Variants in STK38L observed in about 807,000 individuals in gnomAD.
STK38L encodes serine/threonine kinase 38 like, also known as serine/threonine-protein kinase 38-like.
In STK38L, 28 loss-of-function variants were observed where a neutral mutation model predicts 59.7. The observed-to-expected ratio is 0.47, with a 90% CI of 0.35 to 0.64. The LOEUF is 0.64. Ranked by LOEUF, STK38L falls within the 30% of genes least tolerant of loss-of-function variation. STK38L has a pLI of 0.01. For synonymous variants in STK38L, 162 were observed against 176.8 expected, an observed-to-expected ratio of 0.92 and a Z score of 0.66; for missense variants, 314 against 555.8, an observed-to-expected ratio of 0.56 and a Z score of 4.37.
At chr12:27,301,716 G>A (rs1443855112) in intron 2 of STK38L, among the ~76,000 whole-genome samples, 1 of 152,248 alleles carries the variant, frequency 6.6e-6, no homozygotes, top group Admixed American at 6.5e-5. Flanking sequence ...AGCTCATTTA[G>A]CTAATAAGTG....
intron 1 of STK38L, among the ~76,000 whole-genome samples, chr12:27,247,036 G>A (rs1032779194): frequency 3.5e-4 from 53 of 152,190 alleles, no homozygotes; most frequent in African/African-American, 1.2e-3. Flanking sequence ...AGTGCTGCTA[G>A]ACCAATTAAG....
chr12:27,305,895 A>G (rs1482743711), intron 3 of STK38L, among the ~76,000 whole-genome samples: 2 of 152,214 alleles, frequency 1.3e-5, no homozygotes, highest in Admixed American at 1.3e-4. Context: ...AAAGGATGCA[A>G]TTACCACAAG....
At chr12:27,259,437 G>A (rs1048464440) in intron 1 of STK38L, among the ~76,000 whole-genome samples, 1 of 152,092 alleles carries the variant, frequency 6.6e-6, no homozygotes, top group African/African-American at 2.4e-5. Flanking sequence ...TCATCCTAAC[G>A]CGCCACTTTT....
chr12:27,248,269 T>A (rs1942899961), intron 1 of STK38L, among the ~76,000 whole-genome samples: 1 of 152,098 alleles, frequency 6.6e-6, no homozygotes, highest in South Asian at 2.1e-4. Context: ...GTGAATAGAG[T>A]GTTGTACATG....
intron 1 of STK38L, among the ~76,000 whole-genome samples, chr12:27,279,593 G>A (rs2136624738): frequency 6.6e-6 from 1 of 151,900 alleles, no homozygotes; most frequent in South Asian, 2.1e-4. Flanking sequence ...GGGCGTGGTG[G>A]TGGGCACCTG....
chr12:27,290,809 T>C (rs960794981), intron 1 of STK38L, among the ~76,000 whole-genome samples: 2 of 152,202 alleles, frequency 1.3e-5, no homozygotes, highest in Non-Finnish European at 2.9e-5. Flanking sequence ...ACAGAGCTCA[T>C]TGTGGACAGA....
In STK38L at chr12:27,322,662, A is replaced by G. The variant is rs1944759089; in HGVS notation, c.*207A>G. 1 of 491,058 alleles carries G rather than the reference A, an allele frequency of 2.0e-6. No homozygotes were observed. Among genetic ancestry groups the G allele is most frequent in the Non-Finnish European group, 3.3e-6 (1 of 302,956 alleles). The allele number at this position is 491,058 out of a possible 1,614,324, so 30.4% of individuals were successfully genotyped here. A position where few individuals can be genotyped will look rare whatever the true frequency, so the allele number is the denominator to read the frequency against. ...TGGCTCTTTTTTTTAATATTTTATT[A>G]TTTTTGTTAACTTTATTATATGAAG... On this transcript the variant is annotated 3_prime_UTR_variant, in exon 14 of 14. Transcript: ENST00000389032.
At chr12:27,294,288 GGCAGGCAGATC>G (rs1943960191) in intron 1 of STK38L, among the ~76,000 whole-genome samples, 1 of 151,896 alleles carries the variant, frequency 6.6e-6, no homozygotes, top group African/African-American at 2.4e-5. Flanking sequence ...GGGAGGCCAA[GGCAGGCAGATC>G]ACTTGAGGTC....
At chr12:27,278,698 A>G (rs1223817245) in intron 1 of STK38L, among the ~76,000 whole-genome samples, 4 of 152,248 alleles carry the variant, frequency 2.6e-5, no homozygotes, top group Non-Finnish European at 5.9e-5. Context: ...TCTATAATCA[A>G]TAACAATGTA....
chr12:27,317,893 T>G lies in STK38L; in HGVS notation c.956-3T>G. ...AAACATTTTTGATTTATTTGATACA[T>G]AGGATATCCACCTTTCTGCTCTGAA... On this transcript the variant is annotated splice_region_variant and splice_polypyrimidine_tract_variant and intron_variant, in intron 10 of 13. Coordinates refer to ENST00000389032, the MANE Select transcript of STK38L (RefSeq NM_015000.4). 1 of 1,613,216 alleles carries G rather than the reference T, an allele frequency of 6.2e-7. No individual in the cohort carries two copies. The highest frequency in any genetic ancestry group is 8.5e-7 in the Non-Finnish European group (1 of 1,179,718).
rs778241201 is a variant in STK38L, at chr12:27,315,125, T to A, written c.775+8T>A. ...ACCCACCAAGTGACTTCTGTAAGTT[T>A]GGTTGTTGTTTTTCTTCTTTCCCCT... On this transcript the variant is annotated splice_region_variant and intron_variant, in intron 8 of 13. Coordinates refer to ENST00000389032, the MANE Select transcript of STK38L (RefSeq NM_015000.4). The A allele has an allele frequency of 1.9e-6, 3 of 1,611,256 alleles. No homozygotes were observed. The highest frequency in any genetic ancestry group is 2.5e-6 in the Non-Finnish European group (3 of 1,177,932).
chr12:27,280,020 A>G (rs1943619996), intron 1 of STK38L, among the ~76,000 whole-genome samples: 1 of 152,172 alleles, frequency 6.6e-6, no homozygotes, highest in African/African-American at 2.4e-5. Context: ...ATAGAACTGT[A>G]AAGATCAAAG....
chr12:27,298,380 T>A (rs1286661309), intron 2 of STK38L: 1 of 152,876 alleles, frequency 6.5e-6, no homozygotes, highest in African/African-American at 2.4e-5. Context: ...GAGCCAAGGC[T>A]GCAGTGAGCC....
intron 2 of STK38L, among the ~76,000 whole-genome samples, chr12:27,299,542 A>G (rs1055343279): frequency 1.3e-5 from 2 of 152,224 alleles, no homozygotes; most frequent in Non-Finnish European, 2.9e-5. Flanking sequence ...CAAAAATTAT[A>G]TAAAGCAACA....
At chr12:27,286,237 T>C (rs1413069539) in intron 1 of STK38L, among the ~76,000 whole-genome samples, 1 of 152,182 alleles carries the variant, frequency 6.6e-6, no homozygotes, top group African/African-American at 2.4e-5. Flanking sequence ...AAAGTGCAAC[T>C]TGATTCCCCT....
chr12:27,303,881 A>G (rs1438170106), intron 3 of STK38L, among the ~76,000 whole-genome samples: 4 of 152,208 alleles, frequency 2.6e-5, no homozygotes, highest in Admixed American at 2.6e-4. Context: ...GTAAGTTGAT[A>G]GCACACCATG....
chr12:27,318,758 G>A (rs1159931897), intron 11 of STK38L, among the ~76,000 whole-genome samples: 2 of 152,184 alleles, frequency 1.3e-5, no homozygotes, highest in Admixed American at 6.5e-5. Context: ...CTGGGAGGCC[G>A]AGTTGGGCAG....
In STK38L at chr12:27,308,710, T is replaced by C. The variant is rs1182429095; in HGVS notation, c.309+249T>C. ...GGTGGGCACCTGTAATCCCAGCTAC[T>C]TGGGAGGCTGAGGCAGGAGAATCGC... On this transcript the variant is annotated intron_variant, in intron 4 of 13. Transcript: ENST00000389032. The surrounding 1 kb of genome is among the most constrained non-coding windows in gnomAD (Gnocchi z 4.5). Among the ~76,000 whole-genome samples, 1 of 151,400 alleles carries C rather than the reference T, an allele frequency of 6.6e-6. No individual in the cohort carries two copies. Among genetic ancestry groups the C allele is most frequent in the Admixed American group, 6.6e-5 (1 of 15,178 alleles).
intron 1 of STK38L, among the ~76,000 whole-genome samples, chr12:27,279,675 T>TA (rs1310850917): frequency 5.6e-4 from 63 of 113,484 alleles, no homozygotes; most frequent in East Asian, 2.7e-3. Context: ...TTCAGCGAGC[T>TA]AAAAAAAAAA....
Sources: gnomAD v4.1 joint callset for allele counts (sites outside exome capture counted in the v4.1 genomes callset) on GRCh38, gnomAD v4.1.1 for gene constraint, Gnocchi (gnomAD v3.1) non-coding constraint, MANE v1.5 for transcripts, NCBI Gene and HGNC (gene_info 2026-07-23, HGNC 2026-07-21) for gene names.